The following AASDH variants were observed in gnomAD, a reference collection of about 807,000 sequenced individuals.
The protein encoded by AASDH is beta-alanine-activating enzyme.
In AASDH, 81 loss-of-function variants were observed where a neutral mutation model predicts 102.3. That is an observed-to-expected ratio of 0.79 (90% CI 0.66 to 0.95). The LOEUF (loss-of-function observed/expected upper bound fraction) is 0.95, where lower values mean the gene tolerates loss of function less well. Ranked by LOEUF, AASDH falls within the 40% of genes least tolerant of loss-of-function variation. The probability of loss-of-function intolerance (pLI) is 0.00; values close to 1 mark genes in which losing one functional copy is unlikely to be tolerated. For missense variants in AASDH, 1,203 were observed against 1,266.2 expected, an observed-to-expected ratio of 0.95 and a Z score of 0.76; for synonymous variants, 398 against 454.0, an observed-to-expected ratio of 0.88 and a Z score of 1.57.
At chr4:56,374,849 G>A (rs1752169307) in intron 4 of AASDH, among the ~76,000 whole-genome samples, 1 of 152,086 alleles carries the variant, frequency 6.6e-6, no homozygotes, top group Admixed American at 6.5e-5. Context: ...TGAAGTTCAT[G>A]GAGGTTAAGT....
intron 5 of AASDH, among the ~76,000 whole-genome samples, chr4:56,360,290 A>G (rs1034152193): frequency 6.6e-6 from 1 of 152,108 alleles, no homozygotes. Flanking sequence ...TGCTTATCCC[A>G]CCACCACTGC....
At chr4:56,381,543 C>T (rs184354297) in intron 3 of AASDH, among the ~76,000 whole-genome samples, 1 of 151,336 alleles carries the variant, frequency 6.6e-6, no homozygotes, top group Admixed American at 6.6e-5. Flanking sequence ...GCACCACTGC[C>T]CATTGCACTT....
intron 4 of AASDH, among the ~76,000 whole-genome samples, chr4:56,374,476 G>T (rs987867350): frequency 6.6e-6 from 1 of 151,916 alleles, no homozygotes; most frequent in East Asian, 1.9e-4. Context: ...AAATGAGGCT[G>T]CCATAAACTT....
At chr4:56,350,146 G>A in intron 10 of AASDH, 88 bp from the exon 11 acceptor site, 1 of 1,092,826 alleles carries the variant, frequency 9.2e-7, no homozygotes, top group Non-Finnish European at 1.3e-6. Flanking sequence ...AGAGATGAGA[G>A]TACCTACATT....
chr4:56,355,841 T>C (rs1749574999), intron 5 of AASDH, among the ~76,000 whole-genome samples: 1 of 152,018 alleles, frequency 6.6e-6, no homozygotes, highest in Non-Finnish European at 1.5e-5. Context: ...GGTCTTGGAC[T>C]CCTGGGCTCA....
chr4:56,355,434 A>G lies in AASDH; in HGVS notation c.862-11T>C, dbSNP rs185280222. 211 of 1,597,170 alleles carry G rather than the reference A, an allele frequency of 1.3e-4. No individual in the cohort carries two copies. The African/African-American group carries it at 2.6e-3, about 20-fold the overall frequency. On this transcript the variant is annotated splice_polypyrimidine_tract_variant and intron_variant, in intron 5 of 14. Transcript: ENST00000205214. ...CAATGTTGGTGTTGCCTGTAGATAC[A>G]TTAAAAATAATTTATTTATTTTCCT...
intron 9 of AASDH, among the ~76,000 whole-genome samples, chr4:56,352,925 T>C (rs1048953742): frequency 6.6e-6 from 1 of 152,356 alleles, no homozygotes; most frequent in East Asian, 1.9e-4. Flanking sequence ...TATCTATATA[T>C]TGGTTCTGTT....
intron 5 of AASDH, chr4:56,356,127 C>T (rs4864579): frequency 0.15 from 97,005 of 635,714 alleles, 8,750 homozygotes; most frequent in Admixed American, 0.34. Context: ...CTCCTCCCGC[C>T]GTCCAAGATG....
At chr4:56,383,206 A>C (rs1317426638) in intron 2 of AASDH, among the ~76,000 whole-genome samples, 1 of 152,212 alleles carries the variant, frequency 6.6e-6, no homozygotes, top group Non-Finnish European at 1.5e-5. Flanking sequence ...GGTATACTTT[A>C]AGGACACTAG....
intron 3 of AASDH, 144 bp from the exon 4 acceptor site, chr4:56,378,608 G>A: frequency 1.4e-6 from 1 of 709,266 alleles, no homozygotes. Context: ...AAAATCTGAA[G>A]ATGCTCAAGT....
At position 56,378,296 on chromosome 4, in the gene AASDH, G is replaced by C; in HGVS notation, c.520C>G (p.His174Asp). 6.2e-7 allele frequency: 1 copy of C among 1,614,104 alleles called. No individual in the cohort carries two copies. Among genetic ancestry groups the C allele is most frequent in the Non-Finnish European group, 8.5e-7 (1 of 1,180,022 alleles). The change falls in exon 4 of 15, where the codon CAT becomes GAT. Residue 174 changes from histidine (H) to aspartate (D), a missense_variant. By Grantham distance (81) the His-to-Asp change is moderately conservative. Coordinates refer to ENST00000205214, the MANE Select transcript of AASDH (RefSeq NM_181806.4). ...TCTTCTGCTTTTTCTTCATTGACAT[G>C]CTCAGAACTTATGCTTTTTATTTTT... ...KEKIKSISSE[H>D]VNEEKAEEHM...
At chr4:56,369,580 C>T (rs1312181842) in intron 5 of AASDH, among the ~76,000 whole-genome samples, 1 of 152,130 alleles carries the variant, frequency 6.6e-6, no homozygotes, top group Non-Finnish European at 1.5e-5. Flanking sequence ...AGTTTAATAT[C>T]CTCTCAATTC....
intron 4 of AASDH, 130 bp from the exon 5 acceptor site, chr4:56,371,773 A>G (rs59764923): frequency 0.086 from 68,436 of 799,372 alleles, 3,376 homozygotes; most frequent in East Asian, 0.22. Context: ...TCTCTCTTAA[A>G]TTAGCCAAAA....
chr4:56,381,981 T>TC (rs1753021673), intron 3 of AASDH: 1 of 152,154 alleles, frequency 6.6e-6, no homozygotes, highest in Admixed American at 6.5e-5. Flanking sequence ...TACCAGTCTC[T>TC]TTTTCAAAAT....
chr4:56,369,026 C>A (rs1291925856), intron 5 of AASDH, among the ~76,000 whole-genome samples: 1 of 152,130 alleles, frequency 6.6e-6, no homozygotes, highest in Non-Finnish European at 1.5e-5. Context: ...CTCCTCCTTA[C>A]TCAAACCAAG....
At chr4:56,359,320 C>T (rs1440504406) in intron 5 of AASDH, among the ~76,000 whole-genome samples, 1 of 148,960 alleles carries the variant, frequency 6.7e-6, no homozygotes, top group Non-Finnish European at 1.5e-5. Context: ...CTCACCACAA[C>T]ATCCGCCTCC....
chr4:56,379,801 T>C (rs114339187), intron 3 of AASDH, among the ~76,000 whole-genome samples: 2,439 of 152,178 alleles, frequency 0.016, 75 homozygotes, highest in African/African-American at 0.055. Flanking sequence ...CAGCCAACAT[T>C]GAGGATCTGA....
rs1747101165 is a variant in AASDH at position 56,338,334 on chromosome 4, C to CATG, written c.*65_*67dup. 1.3e-6 allele frequency: 2 copies of CATG among 1,503,516 alleles called. No individual in the cohort carries two copies. The highest frequency in any genetic ancestry group is 2.5e-5 in the South Asian group (2 of 78,996). 93.1% of individuals were successfully genotyped at this position (1,503,516 alleles called of 1,614,324 possible). ...TCTTCTTTAATATAAAATAAGTCCACATGATGTATAATGGTAAAATATTTT... is the reference window on the plus strand; with the variant it reads ...TCTTCTTTAATATAAAATAAGTCCACATGATGATGTATAATGGTAAAATATTTT... On this transcript the variant is annotated 3_prime_UTR_variant, in exon 15 of 15. Transcript: ENST00000205214.
rs1275608512 is a variant in AASDH, at chr4:56,384,061, A to G, written c.230+9T>C. Reference sequence around the variant, plus strand: ...GTAACATCAAATTTACAGTTCTAAAAAATATTACCCTAAAATCCAAGAGGG... The same window carrying G: ...GTAACATCAAATTTACAGTTCTAAAGAATATTACCCTAAAATCCAAGAGGG... On this transcript the variant is annotated intron_variant, in intron 2 of 14. Coordinates refer to ENST00000205214, the MANE Select transcript of AASDH (RefSeq NM_181806.4). 1 of 1,606,258 alleles carries G rather than the reference A, an allele frequency of 6.2e-7. No individual in the cohort carries two copies. Among genetic ancestry groups the G allele is most frequent in the Non-Finnish European group, 8.5e-7 (1 of 1,173,122 alleles).
Sources: allele counts gnomAD v4.1 joint callset (sites outside exome capture counted in the v4.1 genomes callset), GRCh38; gene constraint gnomAD v4.1.1; transcripts MANE v1.5; gene names NCBI Gene and HGNC (gene_info 2026-07-23, HGNC 2026-07-21).